Variants in ZFHX3 observed in about 807,000 individuals in gnomAD.
ZFHX3 encodes the protein zinc finger homeobox protein 3.
In ZFHX3, 42 loss-of-function variants were observed where a neutral mutation model predicts 279.1. That is an observed-to-expected ratio of 0.15 (90% CI 0.12 to 0.19). The LOEUF (loss-of-function observed/expected upper bound fraction) is 0.19. Ranked by LOEUF, ZFHX3 falls within the 10% of genes least tolerant of loss-of-function variation. The pLI is 1.00. For missense variants in ZFHX3, 4,981 were observed against 4,754.0 expected, an observed-to-expected ratio of 1.05 and a Z score of -1.40; for synonymous variants, 2,293 against 1,957.8, an observed-to-expected ratio of 1.17 and a Z score of -4.52.
At chr16:73,386,015 G>A (rs1336450825) in intron 3 of ZFHX3, among the ~76,000 whole-genome samples, 1 of 152,124 alleles carries the variant, frequency 6.6e-6, no homozygotes, top group Non-Finnish European at 1.5e-5. Context: ...ACAAAATGAT[G>A]CGGTTTGGTC....
rs1409472625 is a variant in ZFHX3 at position 73,778,427 on chromosome 16, T to G, written c.-1607-98187A>C. On this transcript the variant is annotated intron_variant, in intron 1 of 17. Coordinates refer to the ZFHX3 transcript ENST00000641206. ...CTTACCTTGTCTACAAAAGTTGTAT[T>G]GAATGGATGGTGAAAATATTTTGCA... Among the ~76,000 whole-genome samples the G allele has an allele frequency of 3.3e-5, 5 of 152,166 alleles. No individual in the cohort carries two copies. The East Asian group carries it at 9.6e-4, about 29-fold the overall frequency.
chr16:73,321,035 G>A (rs1159810397), intron 3 of ZFHX3, among the ~76,000 whole-genome samples: 2 of 152,146 alleles, frequency 1.3e-5, no homozygotes, highest in African/African-American at 4.8e-5. Flanking sequence ...CTGACCCCCA[G>A]GAGATCCTGT....
intron 2 of ZFHX3, among the ~76,000 whole-genome samples, chr16:73,631,192 C>G (rs1421347259): frequency 1.3e-5 from 2 of 152,190 alleles, no homozygotes; most frequent in Non-Finnish European, 2.9e-5. Context: ...TACCCACCTC[C>G]TTGAGTATCT....
chr16:73,716,700 G>A lies in ZFHX3; in HGVS notation c.-1607-36460C>T, dbSNP rs1278200171. Among the ~76,000 whole-genome samples, 4 of 151,510 alleles carry A rather than the reference G, an allele frequency of 2.6e-5. 1 individual carries two copies. Among genetic ancestry groups the A allele is most frequent in the South Asian group, 4.2e-4 (2 of 4,798 alleles). ...CCGCCCTCCTGTTCATAATTGAACC[G>A]GTCCGAGCGTGCAGGGCCTTCACAC... is the stretch of plus-strand genomic sequence containing the variant. On this transcript the variant is annotated intron_variant, in intron 1 of 17. Coordinates refer to the ZFHX3 transcript ENST00000641206.
chr16:73,504,145 C>G (rs995646725), intron 2 of ZFHX3: 1 of 152,128 alleles, frequency 6.6e-6, no homozygotes, highest in South Asian at 2.1e-4. Flanking sequence ...CTCTCTCCCT[C>G]TCTTTCTTTT....
At chr16:73,745,414 G>A (rs2053694741) in intron 1 of ZFHX3, among the ~76,000 whole-genome samples, 2 of 152,158 alleles carry the variant, frequency 1.3e-5, no homozygotes, top group African/African-American at 4.8e-5. Context: ...GTCCTACAAG[G>A]AGCAGGGCAT....
At chr16:72,921,705 A>G (rs2039589474) in intron 3 of ZFHX3, among the ~76,000 whole-genome samples, 1 of 152,168 alleles carries the variant, frequency 6.6e-6, no homozygotes, top group African/African-American at 2.4e-5. Flanking sequence ...GAGAGAAAGG[A>G]CGGGGCAGAG....
At chr16:73,285,493 A>T (rs929352072) in intron 4 of ZFHX3, among the ~76,000 whole-genome samples, 1 of 152,246 alleles carries the variant, frequency 6.6e-6, no homozygotes, top group African/African-American at 2.4e-5. Context: ...ACACCATGAC[A>T]GCATGAGGCT....
At chr16:73,170,248 T>TTTTTTTTTTTTTTA in intron 5 of ZFHX3, among the ~76,000 whole-genome samples, 1 of 142,486 alleles carries the variant, frequency 7.0e-6, no homozygotes, top group Non-Finnish European at 1.5e-5. Flanking sequence ...TTTTTTTTTT[T>TTTTTTTTTTTTTTA]GAGACATAGC....
intron 5 of ZFHX3, among the ~76,000 whole-genome samples, chr16:73,181,774 G>A (rs938430099): frequency 6.6e-6 from 1 of 152,130 alleles, no homozygotes; most frequent in African/African-American, 2.4e-5. Context: ...GTTCCCGTTA[G>A]GGCTGCTGTG....
At chr16:73,340,327 A>T (rs2016007186) in intron 3 of ZFHX3, among the ~76,000 whole-genome samples, 1 of 152,218 alleles carries the variant, frequency 6.6e-6, no homozygotes, top group African/African-American at 2.4e-5. Context: ...TAAAGGTGGC[A>T]CTGGCAGTCA....
intron 1 of ZFHX3, among the ~76,000 whole-genome samples, chr16:73,871,419 C>T (rs1445334687): frequency 2.6e-5 from 4 of 151,948 alleles, no homozygotes; most frequent in Non-Finnish European, 5.9e-5. Flanking sequence ...TCTATTAACC[C>T]AACGTGATTA....
At chr16:73,667,962 A>G (rs2052862178) in intron 2 of ZFHX3, among the ~76,000 whole-genome samples, 1 of 152,184 alleles carries the variant, frequency 6.6e-6, no homozygotes, top group South Asian at 2.1e-4. Context: ...TTGAATTCCT[A>G]CAGCACTTAC....
chr16:73,120,650 C>CTTTTTTT (rs1174733016), intron 7 of ZFHX3, among the ~76,000 whole-genome samples: 2 of 110,718 alleles, frequency 1.8e-5, no homozygotes, highest in African/African-American at 4.0e-5. Flanking sequence ...TCCTCTCTAC[C>CTTTTTTT]TTTTTTTTTT....
chr16:73,505,928 G>A (rs540089647), intron 2 of ZFHX3, among the ~76,000 whole-genome samples: 2 of 152,278 alleles, frequency 1.3e-5, no homozygotes, highest in African/African-American at 2.4e-5. Context: ...TTCTCTTTCC[G>A]TCCATTCAGT....
intron 1 of ZFHX3, among the ~76,000 whole-genome samples, chr16:73,713,761 T>C (rs1419806646): frequency 1.3e-5 from 2 of 152,170 alleles, no homozygotes; most frequent in Non-Finnish European, 2.9e-5. Context: ...GCTCACGCTT[T>C]GACACCAGCA....
intron 2 of ZFHX3, among the ~76,000 whole-genome samples, chr16:73,485,986 A>T (rs1024282846): frequency 2.0e-5 from 3 of 152,212 alleles, no homozygotes; most frequent in Non-Finnish European, 4.4e-5. Context: ...TTGTTCATCA[A>T]TGTGTCCCAA....
At chr16:73,050,500 G>A (rs1242553369), upstream of ZFHX3, among the ~76,000 whole-genome samples, 4 of 152,214 alleles carry the variant, frequency 2.6e-5, no homozygotes, top group Non-Finnish European at 5.9e-5. Context: ...TTATGGAAAT[G>A]AGGGACTACA....
chr16:72,864,873 T>C (rs9888808), intron 4 of ZFHX3, among the ~76,000 whole-genome samples: 19,460 of 152,230 alleles, frequency 0.13, 3,529 homozygotes, highest in African/African-American at 0.4. Context: ...GGAAGTGTTG[T>C]TCAATTTATG....
Sources: allele counts gnomAD v4.1 joint callset (sites outside exome capture counted in the v4.1 genomes callset), GRCh38; gene constraint gnomAD v4.1.1; transcripts MANE v1.5; gene names NCBI Gene and HGNC (gene_info 2026-07-23, HGNC 2026-07-21).